The following CYRIB variants were observed in gnomAD, a reference collection of about 807,000 sequenced individuals.
CYRIB encodes the protein CYFIP related Rac1 interactor B, also known as CYFIP-related Rac1 interactor B.
CYRIB carries 8 observed loss-of-function variants against 44.2 expected under a neutral mutation model. The ratio of observed to expected loss-of-function variants is 0.18; its 90% CI spans 0.11 to 0.33. The LOEUF (loss-of-function observed/expected upper bound fraction) is 0.33. Ranked by LOEUF, CYRIB falls within the 10% of genes least tolerant of loss-of-function variation. CYRIB has a pLI of 1.00. For missense variants in CYRIB, 185 were observed against 382.8 expected, an observed-to-expected ratio of 0.48 and a Z score of 4.31; for synonymous variants, 131 against 127.2, an observed-to-expected ratio of 1.03 and a Z score of -0.20.
chr8:129,965,568 G>A (rs1029611470), intron 2 of CYRIB, among the ~76,000 whole-genome samples: 35 of 151,976 alleles, frequency 2.3e-4, no homozygotes, highest in Middle Eastern at 3.4e-3. Context: ...AGGCCGAGGC[G>A]GGCGGATCAC....
chr8:129,924,810 T>A (rs1037646430), intron 1 of CYRIB, among the ~76,000 whole-genome samples: 2 of 151,494 alleles, frequency 1.3e-5, no homozygotes, highest in Non-Finnish European at 2.9e-5. Flanking sequence ...TACAAAAAAA[T>A]TTAAAAAAAT....
At chr8:129,912,971 CTTTTTTT>C (rs34861646) in intron 1 of CYRIB, among the ~76,000 whole-genome samples, 3 of 124,122 alleles carry the variant, frequency 2.4e-5, no homozygotes, top group Non-Finnish European at 3.3e-5. Context: ...ATCTGCTTCA[CTTTTTTT>C]TTTTTTTTTT....
chr8:129,885,526 A>G (rs562578091), intron 2 of CYRIB, among the ~76,000 whole-genome samples: 75 of 152,254 alleles, frequency 4.9e-4, no homozygotes, highest in Non-Finnish European at 7.5e-4. Context: ...CAATACTAAC[A>G]TTTGAACTGT....
intron 1 of CYRIB, among the ~76,000 whole-genome samples, chr8:129,930,092 T>C (rs2090331827): frequency 1.3e-5 from 2 of 151,512 alleles, no homozygotes. Context: ...ATGCCTGTAA[T>C]CCCAGCTACT....
At chr8:129,977,090 C>G (rs2095966402) in intron 1 of CYRIB, among the ~76,000 whole-genome samples, 1 of 152,178 alleles carries the variant, frequency 6.6e-6, no homozygotes, top group Admixed American at 6.5e-5. Context: ...GATCCACCCA[C>G]CTCGGCCTCC....
intron 1 of CYRIB, among the ~76,000 whole-genome samples, chr8:129,916,242 G>A (rs574936754): frequency 1.1e-4 from 17 of 151,572 alleles, no homozygotes; most frequent in South Asian, 2.1e-4. Flanking sequence ...TGTCATTTCC[G>A]TAGCTCAGAT....
chr8:129,967,410 T>C (rs1329351288), intron 2 of CYRIB, among the ~76,000 whole-genome samples: 10 of 151,708 alleles, frequency 6.6e-5, no homozygotes, highest in African/African-American at 1.9e-4. Context: ...GATGGAGTCT[T>C]GCTCTGTCGC....
At chr8:129,859,886 G>A (rs761445323) in intron 5 of CYRIB, among the ~76,000 whole-genome samples, 6 of 151,906 alleles carry the variant, frequency 3.9e-5, no homozygotes, top group Non-Finnish European at 7.4e-5. Context: ...CTCTTGCCTC[G>A]GCACCTGGGT....
intron 1 of CYRIB, among the ~76,000 whole-genome samples, chr8:129,922,430 G>A (rs533272080): frequency 5.9e-5 from 9 of 151,914 alleles, no homozygotes; most frequent in East Asian, 3.9e-4. Context: ...AATTAAAGAC[G>A]GTACAGATCA....
chr8:129,912,099 C>T (rs567585025), intron 1 of CYRIB, among the ~76,000 whole-genome samples: 1 of 152,178 alleles, frequency 6.6e-6, no homozygotes, highest in South Asian at 2.1e-4. Context: ...TTAATCTACC[C>T]CACATGTTCA....
intron 3 of CYRIB, among the ~76,000 whole-genome samples, chr8:129,874,514 T>TA (rs2058470042): frequency 6.6e-6 from 1 of 152,124 alleles, no homozygotes; most frequent in Non-Finnish European, 1.5e-5. Flanking sequence ...ATTAATTCAC[T>TA]TAATAAACCT....
chr8:129,896,915 CACCTCACTATG>C (rs776320909), intron 2 of CYRIB: 2 of 152,238 alleles, frequency 1.3e-5, no homozygotes, highest in Non-Finnish European at 2.9e-5. Flanking sequence ...CATTCCTAGT[CACCTCACTATG>C]ACTGAAATGG....
intron 1 of CYRIB, among the ~76,000 whole-genome samples, chr8:129,975,547 T>C (rs2095880480): frequency 6.6e-6 from 1 of 152,232 alleles, no homozygotes; most frequent in Non-Finnish European, 1.5e-5. Flanking sequence ...ACTGGCACCA[T>C]GTTTCTGATA....
intron 1 of CYRIB, among the ~76,000 whole-genome samples, chr8:130,011,593 G>A (rs1050288786): frequency 5.3e-5 from 8 of 152,100 alleles, no homozygotes; most frequent in South Asian, 2.1e-4. Context: ...CGAGGCGGGC[G>A]GATCACAAGG....
intron 2 of CYRIB, among the ~76,000 whole-genome samples, chr8:129,954,593 A>G (rs531209375): frequency 1.3e-5 from 2 of 152,146 alleles, no homozygotes; most frequent in East Asian, 1.9e-4. Flanking sequence ...GAAATGAACT[A>G]ATTTTAGAAA....
rs778781080 is a variant in CYRIB, at chr8:129,855,733, C to G, written c.316G>C (p.Gly106Arg). 2.5e-6 allele frequency: 4 copies of G among 1,604,124 alleles called. No homozygotes were observed. In the African/African-American group the frequency reaches 4.0e-5, roughly 16 times the overall value. The change falls in exon 6 of 12, where the codon GGT becomes CGT. Residue 106 changes from glycine (G) to arginine (R), a missense_variant. Gly to Arg is a moderately radical substitution (Grantham distance 125). Coordinates refer to ENST00000519824, the Ensembl canonical transcript of CYRIB. ...GTACTTGTTAAGGCTCCCAGAAGAC[C>G]TCTTAATGCTGCTTCTAAAGAAAAA...
chr8:130,004,003 C>T (rs905497433), intron 1 of CYRIB, among the ~76,000 whole-genome samples: 3 of 152,274 alleles, frequency 2.0e-5, no homozygotes, highest in Admixed American at 1.3e-4. Context: ...ACCAAAAAGA[C>T]TCTGCTTTAT....
chr8:129,850,166 G>A (rs1313255073), intron 9 of CYRIB: 3 of 152,328 alleles, frequency 2.0e-5, no homozygotes, highest in Admixed American at 6.5e-5. Flanking sequence ...ATGAGATGAT[G>A]TACAGTATAG....
chr8:129,990,023 T>G (rs2096588705), intron 1 of CYRIB, among the ~76,000 whole-genome samples: 1 of 152,152 alleles, frequency 6.6e-6, no homozygotes, highest in Admixed American at 6.5e-5. Flanking sequence ...TATGTGCCCT[T>G]TCTTATTTCA....
Sources: allele counts gnomAD v4.1 joint callset (sites outside exome capture counted in the v4.1 genomes callset), GRCh38; gene constraint gnomAD v4.1.1; transcripts MANE v1.5; gene names NCBI Gene and HGNC (gene_info 2026-07-23, HGNC 2026-07-21).